Variants in TTLL10 observed in about 807,000 individuals in gnomAD.
TTLL10 encodes tubulin tyrosine ligase like 10.
TTLL10 carries 61 observed loss-of-function variants against 69.0 expected under a neutral mutation model. The ratio of observed to expected loss-of-function variants is 0.88; its 90% CI spans 0.72 to 1.09. The LOEUF is 1.09. TTLL10 is among the 50% of genes least tolerant of loss of function. The pLI, the probability that TTLL10 is intolerant of heterozygous loss-of-function variation, is 0.00. For missense variants in TTLL10, 962 were observed against 945.9 expected (o/e 1.02, Z -0.22); for synonymous variants, 408 against 393.3 (o/e 1.04, Z -0.44).
At position 1,184,966 on chromosome 1, in the gene TTLL10, C is replaced by T. The variant is rs758501988; in HGVS notation, c.1261-3C>T. 1.9e-5 allele frequency: 30 copies of T among 1,609,202 alleles called. 1 individual carries two copies. The highest frequency in any genetic ancestry group is 2.5e-5 in the Non-Finnish European group (30 of 1,178,170). ...CCAGTCTCCAGGCACCGTGTGCCCC[C>T]AGTTCATGCAGAAGAAGAGCCCTCT... On this transcript the variant is annotated splice_region_variant and splice_polypyrimidine_tract_variant and intron_variant, in intron 12 of 15. Transcript: ENST00000379289.
At chr1:1,194,673 T>C (rs541931881) in intron 13 of TTLL10, among the ~76,000 whole-genome samples, 109 of 152,328 alleles carry the variant, frequency 7.2e-4, no homozygotes, top group African/African-American at 2.5e-3. Context: ...AATGAGAAAC[T>C]GGCTGTTCAT....
intron 13 of TTLL10, among the ~76,000 whole-genome samples, chr1:1,191,529 A>C (rs1217654264): frequency 6.6e-6 from 1 of 152,228 alleles, no homozygotes; most frequent in Non-Finnish European, 1.5e-5. Context: ...TATCCTGGAG[A>C]ATATCCATGT....
intron 12 of TTLL10, among the ~76,000 whole-genome samples, chr1:1,184,339 A>G (rs1391070086): frequency 1.3e-5 from 2 of 152,220 alleles, no homozygotes; most frequent in African/African-American, 4.8e-5. Context: ...AAGGGCTCAG[A>G]GCCCTGTAGC....
At chr1:1,196,790 A>G in intron 14 of TTLL10, 74 bp downstream of exon 14, 1 of 1,097,358 alleles carries the variant, frequency 9.1e-7, no homozygotes, top group South Asian at 1.3e-5. Context: ...CCCTGACCAC[A>G]CTGGCAGGCC....
rs1393549552 is a variant in TTLL10, at chr1:1,193,639, A to G, written c.1402-2961A>G. ...CCACCACACCCGGCTAATTTTTTGT[A>G]TTTTTAGTAGAGACGGGGTTTCACT... On this transcript the variant is annotated intron_variant, in intron 13 of 15. Transcript: ENST00000379289. Among the ~76,000 whole-genome samples, 3 of 151,320 alleles carry G rather than the reference A, an allele frequency of 2.0e-5. No individual in the cohort carries two copies. The East Asian group carries it at 5.9e-4, about 30-fold the overall frequency.
chr1:1,192,859 C>T (rs1222853953), intron 13 of TTLL10, among the ~76,000 whole-genome samples: 2 of 148,802 alleles, frequency 1.3e-5, no homozygotes, highest in Non-Finnish European at 3.0e-5. Context: ...AGTGTAGACA[C>T]TCCAGTTCTA....
Position 1,183,986 on chromosome 1 carries a change from C to T in TTLL10, c.1155C>T (p.Ala385=). The change falls in exon 12 of 16, where the codon GCC becomes GCT. Residue 385 remains alanine (A), a synonymous_variant. Coordinates refer to ENST00000379289, the MANE Select transcript of TTLL10 (RefSeq NM_001130045.2). ...ACGTGCGCTCCTACCTGCTCATTGC[C>T]TGCACCACACCCTACATGATCTTCT... ...KFDVRSYLLI[A]CTTPYMIFFG... 1.2e-6 allele frequency: 2 copies of T among 1,614,260 alleles called. No homozygotes were observed. Among genetic ancestry groups the T allele is most frequent in the Non-Finnish European group, 1.7e-6 (2 of 1,180,038 alleles).
Position 1,184,000 on chromosome 1 carries a change from A to G in TTLL10, c.1169A>G (p.Tyr390Cys). The change falls in exon 12 of 16, where the codon TAC becomes TGC. Residue 390 changes from tyrosine (Y) to cysteine (C), a missense_variant. Transcript: ENST00000379289. Reference sequence around the variant, plus strand: ...CTGCTCATTGCCTGCACCACACCCTACATGATCTTCTTTGGCCACGGCTAT... The same window carrying G: ...CTGCTCATTGCCTGCACCACACCCTGCATGATCTTCTTTGGCCACGGCTAT... ...SYLLIACTTP[Y>C]MIFFGHGYAR... is the part of the protein sequence containing the mutation. The G allele has an allele frequency of 6.2e-7, 1 of 1,614,182 alleles. No homozygotes were observed. Among genetic ancestry groups the G allele is most frequent in the Non-Finnish European group, 8.5e-7 (1 of 1,180,014 alleles).
chr1:1,180,797 C>A lies in TTLL10; in HGVS notation c.692C>A (p.Thr231Asn). The stretch of plus-strand genomic sequence containing the variant: ...ACCACCAAGATCGGGCTGCTCAGCA[C>A]CCTTCGGGGACGGGCACGGGCCATG... Reference protein sequence around the residue: ...LLTTKIGLLSTLRGRARAMSK... With the variant: ...LLTTKIGLLSNLRGRARAMSK... Residue 231 changes from threonine to asparagine, a missense_variant, in exon 8 of 16, where the codon ACC (threonine) becomes AAC (asparagine). By Grantham distance (65) the Thr-to-Asn change is moderately conservative. Transcript: ENST00000379289. The A allele has an allele frequency of 2.5e-6, 4 of 1,605,984 alleles. No homozygotes were observed. The highest frequency in any genetic ancestry group is 3.4e-6 in the Non-Finnish European group (4 of 1,177,002).
chr1:1,193,358 T>C (rs1207723651), intron 13 of TTLL10, among the ~76,000 whole-genome samples: 1 of 151,606 alleles, frequency 6.6e-6, no homozygotes, highest in East Asian at 2.0e-4. Flanking sequence ...ACTGATAAGG[T>C]AGGATTTACA....
At chr1:1,184,124 A>G (rs781176107) in intron 12 of TTLL10, 33 bp downstream of exon 12, 1 of 1,613,608 alleles carries the variant, frequency 6.2e-7, no homozygotes, top group Admixed American at 1.7e-5. Flanking sequence ...CCCTCCCTGC[A>G]GCCTTGGGAT....
chr1:1,175,901 TG>T (rs1219851366), intron 3 of TTLL10: 1 of 434,032 alleles, frequency 2.3e-6, no homozygotes, highest in Non-Finnish European at 4.5e-6. Flanking sequence ...GCTGTGCCGG[TG>T]GAGAGGCTGC....
rs571547413 is a variant in TTLL10, at chr1:1,185,057, C to A, written c.1349C>A (p.Thr450Lys). 2 of 1,614,092 alleles carry A rather than the reference C, an allele frequency of 1.2e-6. No homozygotes were observed. The highest frequency in any genetic ancestry group is 1.1e-5 in the South Asian group (1 of 91,074). Residue 450 changes from threonine to lysine, a missense_variant, in exon 13 of 16, where the codon ACG becomes AAG. Thr to Lys is a moderately conservative substitution (Grantham distance 78). Coordinates refer to ENST00000379289, the MANE Select transcript of TTLL10 (RefSeq NM_001130045.2). The surrounding 1 kb of genome is among the most constrained non-coding windows in gnomAD (Gnocchi z 6.1). The part of the protein sequence containing the change: ...MEHLNRYISD[T>K]FWKARGLAKD... ...CACCTCAACCGCTACATCAGTGACACGTTCTGGAAGGCCCGGGGCCTCGCC... is the reference window on the plus strand; with the variant it reads ...CACCTCAACCGCTACATCAGTGACAAGTTCTGGAAGGCCCGGGGCCTCGCC...
intron 12 of TTLL10, 23 bp downstream of exon 12, chr1:1,184,114 C>G (rs748268084): frequency 1.2e-6 from 2 of 1,613,782 alleles, no homozygotes; most frequent in African/African-American, 1.3e-5. Context: ...TGGGTGAGGG[C>G]CCTCCCTGCA....
intron 13 of TTLL10, among the ~76,000 whole-genome samples, chr1:1,188,477 C>T (rs1192781912): frequency 6.6e-6 from 1 of 151,084 alleles, no homozygotes; most frequent in Non-Finnish European, 1.5e-5. Context: ...GCAATCTCAG[C>T]TCACTGCAGC....
chr1:1,182,980 A>G lies in TTLL10; in HGVS notation c.1021A>G (p.Ser341Gly), dbSNP rs1193138897. Residue 341 changes from serine (S) to glycine (G), a missense_variant, in exon 11 of 16, where the codon AGC becomes GGC. Coordinates refer to ENST00000379289, the MANE Select transcript of TTLL10 (RefSeq NM_001130045.2). ...TGCCGCCCTGCAGGCCAAGACCCGG[A>G]GCATGGAGGACGACCCCATCCACCA... ...EVAALQAKTRSMEDDPIHHKT... is the reference protein window; with the variant it reads ...EVAALQAKTRGMEDDPIHHKT... 1.9e-6 allele frequency: 3 copies of G among 1,608,986 alleles called. No individual in the cohort carries two copies. The highest frequency in any genetic ancestry group is 2.5e-6 in the Non-Finnish European group (3 of 1,178,300).
chr1:1,180,470 C>A lies in TTLL10; in HGVS notation c.507-13C>A. The A allele has an allele frequency of 6.5e-7, 1 of 1,547,470 alleles. No homozygotes were observed. The highest frequency in any genetic ancestry group is 8.7e-7 in the Non-Finnish European group (1 of 1,145,292). Reference sequence around the variant, plus strand: ...CTCGGCCCCCAGGTCACCCCCGCCCCCACCCCTCGCAGCATCAGCTCCTAC... The same window carrying A: ...CTCGGCCCCCAGGTCACCCCCGCCCACACCCCTCGCAGCATCAGCTCCTAC... On this transcript the variant is annotated splice_polypyrimidine_tract_variant and intron_variant, in intron 6 of 15. Coordinates refer to ENST00000379289, the MANE Select transcript of TTLL10 (RefSeq NM_001130045.2).
chr1:1,196,573 C>G (rs1166170382), intron 13 of TTLL10, 27 bp from the exon 14 acceptor site: 1 of 1,528,394 alleles, frequency 6.5e-7, no homozygotes, highest in Non-Finnish European at 8.9e-7. Context: ...CGGGCCGCAG[C>G]CAGGATGCCT....
rs1428990989 is a variant in TTLL10, at chr1:1,184,061, C to T, written c.1230C>T (p.Ser410=). ...CCCTTAGCCTTTACGACCCCCATTCCAGCGACCTCGGCGGCCACTTGACCA... is the reference window on the plus strand; with the variant it reads ...CCCTTAGCCTTTACGACCCCCATTCTAGCGACCTCGGCGGCCACTTGACCA... ...RLTLSLYDPH[S]SDLGGHLTNQ... Residue 410 remains serine, a synonymous_variant, in exon 12 of 16, where the codon TCC becomes TCT. Coordinates refer to ENST00000379289, the MANE Select transcript of TTLL10 (RefSeq NM_001130045.2). 6.2e-7 allele frequency: 1 copy of T among 1,614,220 alleles called. No homozygotes were observed. The highest frequency in any genetic ancestry group is 1.7e-5 in the Admixed American group (1 of 60,026).
Sources: allele counts gnomAD v4.1 joint callset (sites outside exome capture counted in the v4.1 genomes callset), GRCh38; gene constraint gnomAD v4.1.1; non-coding constraint Gnocchi (gnomAD v3.1); transcripts MANE v1.5; gene names NCBI Gene and HGNC (gene_info 2026-07-23, HGNC 2026-07-21).